The following ZEB1 variants were observed in gnomAD, a reference collection of about 807,000 sequenced individuals.
ZEB1 encodes zinc finger E-box binding homeobox 1.
Under a neutral mutation model 84.9 loss-of-function variants are expected in ZEB1, and 21 were observed. The observed-to-expected ratio is 0.25, with a 90% CI of 0.18 to 0.36. The LOEUF (loss-of-function observed/expected upper bound fraction) is 0.36, where lower values mean the gene tolerates loss of function less well. Among genes scored for constraint, ZEB1 ranks in the 10% least tolerant of loss-of-function variants. The probability of loss-of-function intolerance (pLI) is 1.00; values close to 1 mark genes in which losing one functional copy is unlikely to be tolerated. For synonymous variants in ZEB1, 420 were observed against 471.1 expected (o/e 0.89, Z 1.41); for missense variants, 1,104 against 1,330.2 (o/e 0.83, Z 2.65).
At chr10:31,319,474 G>A in intron 1 of ZEB1, 182 bp downstream of exon 1, 4 of 630,794 alleles carry the variant, frequency 6.3e-6, no homozygotes, top group South Asian at 5.7e-5. Flanking sequence ...CCGGAGCCGC[G>A]CCGCGGCCGC....
chr10:31,449,217 A>C (rs2060216635), intron 1 of ZEB1, among the ~76,000 whole-genome samples: 1 of 152,092 alleles, frequency 6.6e-6, no homozygotes, highest in South Asian at 2.1e-4. Context: ...CGGAAAGGGA[A>C]CTCCCTGACC....
At chr10:31,455,340 T>C (rs2061078548) in intron 1 of ZEB1, among the ~76,000 whole-genome samples, 1 of 151,988 alleles carries the variant, frequency 6.6e-6, no homozygotes, top group South Asian at 2.1e-4. Flanking sequence ...TCCATTCAGG[T>C]CATAGGCATG....
chr10:31,321,741 G>A (rs2034133424), intron 1 of ZEB1: 13 of 663,500 alleles, frequency 2.0e-5, no homozygotes, highest in South Asian at 1.8e-4. Context: ...TATTACACTC[G>A]TAAGGCATAT....
intron 2 of ZEB1, among the ~76,000 whole-genome samples, chr10:31,478,267 AATC>A (rs1199297904): frequency 6.6e-6 from 1 of 151,976 alleles, no homozygotes; most frequent in African/African-American, 2.4e-5. Context: ...TAATATCACT[AATC>A]ATCAGAGAAG....
intron 1 of ZEB1, among the ~76,000 whole-genome samples, chr10:31,459,064 A>G (rs1260316444): frequency 6.6e-6 from 1 of 152,162 alleles, no homozygotes; most frequent in Non-Finnish European, 1.5e-5. Context: ...TGGGCAAATC[A>G]TAACATGAAG....
intron 3 of ZEB1, among the ~76,000 whole-genome samples, chr10:31,498,525 T>C (rs1353694568): frequency 6.6e-6 from 1 of 152,086 alleles, no homozygotes; most frequent in Non-Finnish European, 1.5e-5. Flanking sequence ...TACTAATAAG[T>C]ACATTACTAT....
chr10:31,360,598 C>G (rs1378691769), intron 1 of ZEB1, among the ~76,000 whole-genome samples: 1 of 152,102 alleles, frequency 6.6e-6, no homozygotes, highest in African/African-American at 2.4e-5. Flanking sequence ...TTGGTTAATT[C>G]AGTGGATCAG....
intron 2 of ZEB1, among the ~76,000 whole-genome samples, chr10:31,480,445 G>A (rs776087142): frequency 2.2e-4 from 33 of 152,018 alleles, no homozygotes; most frequent in Non-Finnish European, 4.1e-4. Flanking sequence ...TTCAACCAGA[G>A]GTGGTGTATG....
chr10:31,405,666 C>T (rs1037987464), intron 1 of ZEB1, among the ~76,000 whole-genome samples: 12 of 151,204 alleles, frequency 7.9e-5, no homozygotes, highest in Admixed American at 5.9e-4. Flanking sequence ...CTATCTAATA[C>T]GCACCTGTTT....
Position 31,493,464 on chromosome 10 carries a change from C to CT in ZEB1, c.260-2307dup, listed in dbSNP as rs2066824038. On this transcript the variant is annotated intron_variant, in intron 2 of 8. Coordinates refer to ENST00000424869, the MANE Select transcript of ZEB1 (RefSeq NM_001174096.2). ...AAAACCTTAGGAGCATTCTAGTGTT[C>CT]TTTTTAAAATTGCATTTAGGTTAAC... is the stretch of plus-strand genomic sequence containing the variant. Among the ~76,000 whole-genome samples the CT allele has an allele frequency of 2.6e-5, 4 of 152,034 alleles. No homozygotes were observed. The South Asian group carries it at 8.3e-4, about 32-fold the overall frequency.
At chr10:31,454,303 T>G (rs796148359) in intron 1 of ZEB1, among the ~76,000 whole-genome samples, 1 of 152,178 alleles carries the variant, frequency 6.6e-6, no homozygotes, top group South Asian at 2.1e-4. Context: ...ACAGCCAATA[T>G]CTTACTGAAT....
At chr10:31,449,971 C>G (rs927625681) in intron 1 of ZEB1, among the ~76,000 whole-genome samples, 3 of 152,120 alleles carry the variant, frequency 2.0e-5, no homozygotes, top group Non-Finnish European at 4.4e-5. Context: ...ATAACATGCT[C>G]AAGGTGACAA....
intron 2 of ZEB1, among the ~76,000 whole-genome samples, chr10:31,472,239 C>A (rs2063368185): frequency 6.6e-6 from 1 of 151,722 alleles, no homozygotes; most frequent in Non-Finnish European, 1.5e-5. Flanking sequence ...AATAGAGACA[C>A]AAAAAACCCT....
At chr10:31,348,618 A>G (rs1015557427) in intron 1 of ZEB1, among the ~76,000 whole-genome samples, 1 of 152,092 alleles carries the variant, frequency 6.6e-6, no homozygotes, top group East Asian at 1.9e-4. Context: ...TGTCAGATAG[A>G]CACTCCTCCT....
intron 1 of ZEB1, among the ~76,000 whole-genome samples, chr10:31,429,153 T>C (rs1232942422): frequency 6.6e-6 from 1 of 152,230 alleles, no homozygotes; most frequent in Non-Finnish European, 1.5e-5. Flanking sequence ...GTTGACTTTA[T>C]AGTGCCACTG....
intron 1 of ZEB1, among the ~76,000 whole-genome samples, chr10:31,451,182 T>A (rs150223504): frequency 1.3e-5 from 2 of 152,200 alleles, no homozygotes; most frequent in African/African-American, 2.4e-5. Flanking sequence ...TATTTACATT[T>A]TCCTAGAAAG....
At chr10:31,413,527 A>G (rs777680586) in intron 1 of ZEB1, among the ~76,000 whole-genome samples, 2 of 152,126 alleles carry the variant, frequency 1.3e-5, no homozygotes, top group Non-Finnish European at 2.9e-5. Context: ...TAGAAATAGA[A>G]AGCAAAACCT....
At chr10:31,329,768 T>C (rs2036370953) in intron 1 of ZEB1, among the ~76,000 whole-genome samples, 1 of 152,172 alleles carries the variant, frequency 6.6e-6, no homozygotes, top group Non-Finnish European at 1.5e-5. Flanking sequence ...AGTATCATTT[T>C]GGTTTTGATT....
intron 4 of ZEB1, among the ~76,000 whole-genome samples, chr10:31,509,317 G>A (rs2069547691): frequency 6.6e-6 from 1 of 152,138 alleles, no homozygotes; most frequent in Non-Finnish European, 1.5e-5. Flanking sequence ...AGGATTGCAG[G>A]AGTCCATGGT....
Sources: gnomAD v4.1 joint callset for allele counts (sites outside exome capture counted in the v4.1 genomes callset) on GRCh38, gnomAD v4.1.1 for gene constraint, MANE v1.5 for transcripts, NCBI Gene and HGNC (gene_info 2026-07-23, HGNC 2026-07-21) for gene names.